The following STAT4 variants were observed in gnomAD, a reference collection of about 807,000 sequenced individuals.
STAT4 encodes signal transducer and activator of transcription 4.
Under a neutral mutation model 110.5 loss-of-function variants are expected in STAT4, and 42 were observed. The observed-to-expected ratio is 0.38, with a 90% CI of 0.30 to 0.49. STAT4 has a LOEUF of 0.49. STAT4 is among the 20% of genes least tolerant of loss of function. The probability of loss-of-function intolerance (pLI) is 0.95; values close to 1 mark genes in which losing one functional copy is unlikely to be tolerated. For synonymous variants in STAT4, 284 were observed against 302.2 expected (o/e 0.94, Z 0.63); for missense variants, 632 against 887.9 (o/e 0.71, Z 3.66).
At chr2:191,119,389 T>C (rs1698658367) in intron 3 of STAT4, among the ~76,000 whole-genome samples, 1 of 152,168 alleles carries the variant, frequency 6.6e-6, no homozygotes. Context: ...TTTAATTTCA[T>C]TGTGCTTATA....
rs141100856 is a variant in STAT4, at chr2:191,046,341, A to G, written c.1252-5193T>C. 7.6e-4 allele frequency among the ~76,000 whole-genome samples: 116 copies of G among 152,348 alleles called. 1 individual carries two copies. The highest frequency in any genetic ancestry group is 2.6e-3 in the African/African-American group (108 of 41,592). Reference sequence around the variant, plus strand: ...TGAAGTCTTACTGGAACATGGTGGCATGGGTAAAGATAGCACAGCCATCTT... The same window carrying G: ...TGAAGTCTTACTGGAACATGGTGGCGTGGGTAAAGATAGCACAGCCATCTT... On this transcript the variant is annotated intron_variant, in intron 14 of 23. Transcript: ENST00000392320. The surrounding 1 kb of genome is among the most constrained non-coding windows in gnomAD (Gnocchi z 4.6).
intron 5 of STAT4, among the ~76,000 whole-genome samples, chr2:191,070,417 T>C (rs530943798): frequency 7.9e-5 from 12 of 152,162 alleles, no homozygotes; most frequent in Non-Finnish European, 1.6e-4. Flanking sequence ...TCCTCACTTT[T>C]ACAGAGGAAG....
Position 191,058,642 on chromosome 2 carries a change from T to C in STAT4, c.1094+68A>G. The C allele has an allele frequency of 1.1e-6, 1 of 908,406 alleles. No individual in the cohort carries two copies. Among genetic ancestry groups the C allele is most frequent in the Non-Finnish European group, 1.7e-6 (1 of 575,816 alleles). The allele number at this position is 908,406 out of a possible 1,614,324, so 56.3% of individuals were successfully genotyped here. On this transcript the variant is annotated intron_variant, in intron 11 of 23. Coordinates refer to ENST00000392320, the MANE Select transcript of STAT4 (RefSeq NM_003151.4). This position sits in a 1 kb window ranked among gnomAD's most constrained non-coding sequence, Gnocchi z 4.3. Reference sequence around the variant, plus strand: ...AAAAGTTCAAAATTATTCTATAAAATAAAGGCCATTCATTTTTAAAAGTCT... The same window carrying C: ...AAAAGTTCAAAATTATTCTATAAAACAAAGGCCATTCATTTTTAAAAGTCT...
chr2:191,057,702 G>T (rs563550363), intron 13 of STAT4, among the ~76,000 whole-genome samples: 1 of 150,110 alleles, frequency 6.7e-6, no homozygotes, highest in South Asian at 2.1e-4. Flanking sequence ...GGGTTCAAGT[G>T]ATTCTCCTGC....
chr2:191,042,063 G>C lies in STAT4; in HGVS notation c.1252-915C>G, dbSNP rs1696215762. On this transcript the variant is annotated intron_variant, in intron 14 of 23. Transcript: ENST00000392320. This position sits in a 1 kb window ranked among gnomAD's most constrained non-coding sequence, Gnocchi z 4.2. ...AAGCTCCTGGAAAGGTATCTGGGAA[G>C]TTTGCCAGACCAAGGGAGGTAACAT... 6.6e-6 allele frequency among the ~76,000 whole-genome samples: 1 copy of C among 152,186 alleles called. No individual in the cohort carries two copies. Among genetic ancestry groups the C allele is most frequent in the African/African-American group, 2.4e-5 (1 of 41,422 alleles).
At chr2:191,070,810 G>A (rs1697123434) in intron 5 of STAT4, among the ~76,000 whole-genome samples, 1 of 151,630 alleles carries the variant, frequency 6.6e-6, no homozygotes, top group Admixed American at 6.6e-5. Flanking sequence ...CATGGACTTG[G>A]GCAAATGTCT....
intron 3 of STAT4, among the ~76,000 whole-genome samples, chr2:191,085,740 A>C (rs1697617553): frequency 6.6e-6 from 1 of 152,224 alleles, no homozygotes; most frequent in African/African-American, 2.4e-5. Context: ...AATGGAATAG[A>C]GAGAAAACTT....
chr2:191,149,643 T>G (rs187345206), intron 1 of STAT4, among the ~76,000 whole-genome samples: 10 of 152,314 alleles, frequency 6.6e-5, no homozygotes, highest in Admixed American at 4.6e-4. Context: ...AGGGACAACC[T>G]GAGGTTTCCT....
Position 191,130,039 on chromosome 2 carries a change from G to GA in STAT4, c.273+16573dup, listed in dbSNP as rs1269587147. On this transcript the variant is annotated intron_variant, in intron 3 of 23. Transcript: ENST00000392320. ...TTCTGTGCTAATTAATTTCATTTAGGAATTCCTTCCTTGAAGGTATCTTTG... is the reference window on the plus strand; with the variant it reads ...TTCTGTGCTAATTAATTTCATTTAGGAAATTCCTTCCTTGAAGGTATCTTTG... Among the ~76,000 whole-genome samples the GA allele has an allele frequency of 5.4e-4, 82 of 151,984 alleles. 1 individual carries two copies. The highest frequency in any genetic ancestry group is 5.4e-3 in the Admixed American group (82 of 15,266).
chr2:191,073,164 A>G lies in STAT4; in HGVS notation c.399T>C (p.Ser133=), dbSNP rs997364411. 16 of 1,613,840 alleles carry G rather than the reference A, an allele frequency of 9.9e-6. No homozygotes were observed. The Admixed American group carries it at 1.8e-4, about 18-fold the overall frequency. Residue 133 remains serine, a synonymous_variant, in exon 5 of 24, where the codon AGT becomes AGC. Coordinates refer to ENST00000392320, the MANE Select transcript of STAT4 (RefSeq NM_003151.4). The part of the protein sequence containing the change: ...VQGPLEKSLQ[S]SSVSERQRNV... ...TCCTCTGTCTTTCTGAAACTGAAGA[A>G]CTTTGTAAGGATTTCTCTAGAGGCC...
chr2:191,067,576 TTAAAAA>T (rs1697029814), intron 6 of STAT4, among the ~76,000 whole-genome samples: 2 of 152,190 alleles, frequency 1.3e-5, no homozygotes, highest in African/African-American at 4.8e-5. Flanking sequence ...TTCATTAACT[TTAAAAA>T]TAATTTGCTT....
intron 3 of STAT4, among the ~76,000 whole-genome samples, chr2:191,100,673 G>C (rs1435722428): frequency 6.6e-6 from 1 of 151,856 alleles, no homozygotes; most frequent in African/African-American, 2.4e-5. Flanking sequence ...TTGCTCATTT[G>C]GAGCTAATTA....
rs930222758 is a variant in STAT4, at chr2:191,033,624, T to C, written c.1718A>G (p.Tyr573Cys). The change falls in exon 20 of 24, where the codon TAT (tyrosine) becomes TGT (cysteine). Residue 573 changes from tyrosine (Y) to cysteine (C), a missense_variant and splice_region_variant. Physicochemically the swap from Tyr to Cys is radical, Grantham distance 194 (BLOSUM62 -2). Transcript: ENST00000392320. This position sits in a 1 kb window ranked among gnomAD's most constrained non-coding sequence, Gnocchi z 6.9. The part of the protein sequence containing the change: ...KHILPLWIDG[Y>C]VMGFVSKEKE... The stretch of plus-strand genomic sequence containing the variant: ...CTCTTTGCTAACAAAGCCCATGACA[T>C]ACCTAAAAATAGAACATGCATTATT... 20 of 1,609,824 alleles carry C rather than the reference T, an allele frequency of 1.2e-5. No homozygotes were observed. The highest frequency in any genetic ancestry group is 1.4e-5 in the Non-Finnish European group (17 of 1,178,934).
chr2:191,093,859 T>C (rs1359619077), intron 3 of STAT4, among the ~76,000 whole-genome samples: 2 of 152,050 alleles, frequency 1.3e-5, no homozygotes, highest in African/African-American at 2.4e-5. Context: ...ATTAGACGAA[T>C]GGCTAACTTG....
intron 13 of STAT4, among the ~76,000 whole-genome samples, chr2:191,057,581 C>T (rs199783552): frequency 3.2e-4 from 39 of 121,312 alleles, no homozygotes; most frequent in East Asian, 4.7e-4. Flanking sequence ...AATTTCTTTT[C>T]TTTTTTTTTT....
In STAT4 at chr2:191,036,146, C is replaced by CT; in HGVS notation, c.1570+17dup. The CT allele has an allele frequency of 2.5e-6, 4 of 1,612,190 alleles. No homozygotes were observed. The highest frequency in any genetic ancestry group is 3.4e-6 in the Non-Finnish European group (4 of 1,178,906). ...GGCCAAAAACAGAGGCAAATCCTCT[C>CT]TATCTACCAGCTCTCACCTGTAAGC... On this transcript the variant is annotated intron_variant, in intron 17 of 23. Coordinates refer to ENST00000392320, the MANE Select transcript of STAT4 (RefSeq NM_003151.4).
chr2:191,126,912 T>C (rs916728079), intron 3 of STAT4, among the ~76,000 whole-genome samples: 1 of 152,178 alleles, frequency 6.6e-6, no homozygotes, highest in Non-Finnish European at 1.5e-5. Context: ...CTCTGCCTTC[T>C]GGGTTCAAGT....
At chr2:191,048,484 G>A (rs1307882963) in intron 14 of STAT4, among the ~76,000 whole-genome samples, 2 of 152,006 alleles carry the variant, frequency 1.3e-5, no homozygotes, top group African/African-American at 4.8e-5. Flanking sequence ...TAGATAAGAT[G>A]CACCATTAGG....
At chr2:191,087,723 C>G (rs979221913) in intron 3 of STAT4, among the ~76,000 whole-genome samples, 1 of 151,922 alleles carries the variant, frequency 6.6e-6, no homozygotes, top group African/African-American at 2.4e-5. Context: ...TCACCAGAAT[C>G]AAAAGGTTAT....
Sources: allele counts gnomAD v4.1 joint callset (sites outside exome capture counted in the v4.1 genomes callset), GRCh38; gene constraint gnomAD v4.1.1; non-coding constraint Gnocchi (gnomAD v3.1); transcripts MANE v1.5; gene names NCBI Gene and HGNC (gene_info 2026-07-23, HGNC 2026-07-21).